The following PPP1R9A variants were observed in gnomAD, a reference collection of about 807,000 sequenced individuals.
PPP1R9A encodes the protein protein phosphatase 1 regulatory subunit 9A.
Under a neutral mutation model 141.9 loss-of-function variants are expected in PPP1R9A, and 59 were observed. The observed-to-expected ratio is 0.42, with a 90% CI of 0.34 to 0.52. The LOEUF is 0.52. Among genes scored for constraint, PPP1R9A ranks in the 20% least tolerant of loss-of-function variants. The pLI is 0.10. For synonymous variants in PPP1R9A, 500 were observed against 569.7 expected (o/e 0.88, Z 1.74); for missense variants, 1,444 against 1,611.9 (o/e 0.90, Z 1.78).
intron 4 of PPP1R9A, among the ~76,000 whole-genome samples, chr7:95,137,238 C>G (rs1280398170): frequency 1.4e-5 from 2 of 141,380 alleles, no homozygotes; most frequent in Admixed American, 1.4e-4. Context: ...TCCCCCCTCC[C>G]CCAACCCCAC....
intron 2 of PPP1R9A, among the ~76,000 whole-genome samples, chr7:94,939,941 T>A (rs1410959682): frequency 6.6e-6 from 1 of 151,994 alleles, no homozygotes; most frequent in African/African-American, 2.4e-5. Flanking sequence ...TGCTAATCAC[T>A]GATTGCATGC....
At position 95,293,482 on chromosome 7, in the gene PPP1R9A, C is replaced by T. The variant is rs955291584; in HGVS notation, c.*3179C>T. ...CCTCAACATCACAAGCTTTTTTTAACCCACAGCAGTTCATGATTGCAGTAT... is the reference window on the plus strand; with the variant it reads ...CCTCAACATCACAAGCTTTTTTTAATCCACAGCAGTTCATGATTGCAGTAT... On this transcript the variant is annotated 3_prime_UTR_variant, in exon 20 of 20. Transcript: ENST00000433360. 6.6e-6 allele frequency: 1 copy of T among 152,114 alleles called. No individual in the cohort carries two copies. The highest frequency in any genetic ancestry group is 1.5e-5 in the Non-Finnish European group (1 of 68,028). The allele number at this position is 152,114 out of a possible 1,614,324, so 9.4% of individuals were successfully genotyped here.
chr7:94,986,499 A>G (rs1357622170), intron 2 of PPP1R9A, among the ~76,000 whole-genome samples: 2 of 152,168 alleles, frequency 1.3e-5, no homozygotes, highest in Non-Finnish European at 2.9e-5. Context: ...AGGTTGGTTA[A>G]CAGATACAAA....
chr7:95,058,038 A>G (rs998781676), intron 2 of PPP1R9A, among the ~76,000 whole-genome samples: 3 of 152,168 alleles, frequency 2.0e-5, no homozygotes, highest in Admixed American at 2.0e-4. Context: ...GGGAACATGT[A>G]TTCTGAAGTT....
chr7:95,214,208 G>A (rs2152922603), intron 7 of PPP1R9A: 2 of 152,340 alleles, frequency 1.3e-5, no homozygotes, highest in Middle Eastern at 6.8e-3. Context: ...CAATTTAGCT[G>A]GATGCCTCTG....
intron 2 of PPP1R9A, among the ~76,000 whole-genome samples, chr7:95,040,036 C>T (rs771383487): frequency 3.2e-4 from 48 of 152,160 alleles, no homozygotes; most frequent in African/African-American, 5.1e-4. Flanking sequence ...ATAAGAGAGA[C>T]GGTGGAAGAT....
At chr7:95,003,729 A>G (rs1803243318) in intron 2 of PPP1R9A, among the ~76,000 whole-genome samples, 2 of 152,112 alleles carry the variant, frequency 1.3e-5, no homozygotes, top group African/African-American at 4.8e-5. Flanking sequence ...AACCCCAGAG[A>G]TTCTGATTTA....
At chr7:95,105,370 C>T (rs930336409) in intron 2 of PPP1R9A, among the ~76,000 whole-genome samples, 15 of 152,120 alleles carry the variant, frequency 9.9e-5, no homozygotes, top group Admixed American at 7.9e-4. Flanking sequence ...CCTTGCTAAC[C>T]GTGTTTGTAA....
At chr7:95,062,054 G>A (rs1812311808) in intron 2 of PPP1R9A, among the ~76,000 whole-genome samples, 1 of 152,084 alleles carries the variant, frequency 6.6e-6, no homozygotes, top group Non-Finnish European at 1.5e-5. Context: ...GCATCCTCTG[G>A]TAATTGTTTC....
At chr7:95,208,956 T>TAAAAAAAAAAAAAAAAAAAAA (rs10670515) in intron 7 of PPP1R9A, among the ~76,000 whole-genome samples, 10 of 76,864 alleles carry the variant, frequency 1.3e-4, no homozygotes, top group East Asian at 4.2e-4. Context: ...ATAGCAAAAC[T>TAAAAAAAAAAAAAAAAAAAAA]AAAAAAAAAA....
intron 5 of PPP1R9A, among the ~76,000 whole-genome samples, chr7:95,169,133 T>C (rs1176385352): frequency 6.6e-6 from 1 of 152,050 alleles, no homozygotes. Context: ...GGAATCAACC[T>C]ACCTAAGTGT....
At chr7:95,126,603 G>A (rs896078777) in intron 4 of PPP1R9A, among the ~76,000 whole-genome samples, 1 of 152,132 alleles carries the variant, frequency 6.6e-6, no homozygotes, top group Non-Finnish European at 1.5e-5. Context: ...GGAAAACTTT[G>A]GAAAGTTTAG....
rs542340657 is a variant in PPP1R9A, at chr7:95,060,364, A to G, written c.1396-50895A>G. On this transcript the variant is annotated intron_variant, in intron 2 of 19. Transcript: ENST00000433360. ...GTGGGGCAGATTTGGGGATTTGTAT[A>G]AATCAACTTTATGGAACCAGGGATT... Among the ~76,000 whole-genome samples the G allele has an allele frequency of 1.9e-3, 288 of 152,276 alleles. 2 individuals are homozygous for G. The highest frequency in any genetic ancestry group is 6.5e-3 in the African/African-American group (269 of 41,550).
intron 2 of PPP1R9A, among the ~76,000 whole-genome samples, chr7:95,015,619 A>C (rs1804997612): frequency 6.6e-6 from 1 of 152,204 alleles, no homozygotes; most frequent in African/African-American, 2.4e-5. Flanking sequence ...TGATGTTAAT[A>C]TAATTAGACT....
At chr7:95,281,588 T>A (rs1294237171) in intron 16 of PPP1R9A, among the ~76,000 whole-genome samples, 1 of 152,216 alleles carries the variant, frequency 6.6e-6, no homozygotes, top group Non-Finnish European at 1.5e-5. Context: ...GATGTGACCT[T>A]CAGATTTTTT....
rs536813938 is a variant in PPP1R9A, at chr7:95,189,055, C to G, written c.1755-9294C>G. Among the ~76,000 whole-genome samples, 33 of 152,118 alleles carry G rather than the reference C, an allele frequency of 2.2e-4. 1 individual carries two copies. The highest frequency in any genetic ancestry group is 7.2e-4 in the African/African-American group (30 of 41,504). On this transcript the variant is annotated intron_variant, in intron 5 of 19. Transcript: ENST00000433360. Reference sequence around the variant, plus strand: ...CTCTCCATTTTGAAGCTTAGTTTTGCTGGATACAGAGTTCTTGGTTTGTAA... The same window carrying G: ...CTCTCCATTTTGAAGCTTAGTTTTGGTGGATACAGAGTTCTTGGTTTGTAA...
chr7:95,082,056 G>GA, intron 2 of PPP1R9A, among the ~76,000 whole-genome samples: 1 of 152,194 alleles, frequency 6.6e-6, no homozygotes, highest in South Asian at 2.1e-4. Flanking sequence ...TGATTGTCTG[G>GA]ATAACCCCAC....
In PPP1R9A at chr7:95,274,180, T is replaced by C. The variant is rs1476685361; in HGVS notation, c.3296+12T>C. 2 of 1,531,958 alleles carry C rather than the reference T, an allele frequency of 1.3e-6. No individual in the cohort carries two copies. The highest frequency in any genetic ancestry group is 4.6e-5 in the East Asian group (2 of 43,212). The allele number at this position is 1,531,958 out of a possible 1,614,324, so 94.9% of individuals were successfully genotyped here. A position where few individuals can be genotyped will look rare whatever the true frequency, so the allele number is the denominator to read the frequency against. On this transcript the variant is annotated intron_variant, in intron 16 of 19. Coordinates refer to ENST00000433360, the MANE Select transcript of PPP1R9A (RefSeq NM_001166160.2). ...TCTGCAGGTAGCAGGTACGGTTGTGTGATTAAGAACACGTGTATTTCTATA... is the reference window on the plus strand; with the variant it reads ...TCTGCAGGTAGCAGGTACGGTTGTGCGATTAAGAACACGTGTATTTCTATA...
At chr7:95,191,554 GTATT>G (rs1228895364) in intron 5 of PPP1R9A, among the ~76,000 whole-genome samples, 2 of 151,940 alleles carry the variant, frequency 1.3e-5, no homozygotes, top group Non-Finnish European at 2.9e-5. Context: ...TAGAACACTA[GTATT>G]TATTCCTTCT....
Sources: gnomAD v4.1 joint callset for allele counts (sites outside exome capture counted in the v4.1 genomes callset) on GRCh38, gnomAD v4.1.1 for gene constraint, MANE v1.5 for transcripts, NCBI Gene and HGNC (gene_info 2026-07-23, HGNC 2026-07-21) for gene names.